Variants in ENOX1 observed in about 807,000 individuals in gnomAD.
ENOX1 encodes ecto-NOX disulfide-thiol exchanger 1, also known as candidate growth-related and time keeping constitutive hydroquinone (NADH) oxidase.
A neutral mutation model predicts 82.5 loss-of-function variants in ENOX1; 42 were observed. That is an observed-to-expected ratio of 0.51 (90% CI 0.40 to 0.66). The LOEUF is 0.66. Ranked by LOEUF, ENOX1 falls within the 30% of genes least tolerant of loss-of-function variation. ENOX1 has a pLI of 0.00. For missense variants in ENOX1, 608 were observed against 811.6 expected (o/e 0.75, Z 3.05); for synonymous variants, 271 against 282.2 (o/e 0.96, Z 0.40).
intron 16 of ENOX1, among the ~76,000 whole-genome samples, chr13:43,221,920 C>A (rs538922171): frequency 1.3e-5 from 2 of 152,206 alleles, no homozygotes; most frequent in African/African-American, 4.8e-5. Context: ...TCCTCTCAGC[C>A]TCACTGGAAT....
intron 1 of ENOX1, among the ~76,000 whole-genome samples, chr13:43,754,899 T>C (rs1197938268): frequency 1.3e-5 from 2 of 152,164 alleles, no homozygotes; most frequent in Admixed American, 1.3e-4. Context: ...AATCTGCATA[T>C]TAATGTATGC....
chr13:43,428,564 T>C (rs12868030), intron 3 of ENOX1, among the ~76,000 whole-genome samples: 11,817 of 152,222 alleles, frequency 0.078, 540 homozygotes, highest in East Asian at 0.15. Flanking sequence ...CAGCTTTATA[T>C]ATAGAAAGGC....
chr13:43,732,191 C>T (rs930890984), intron 1 of ENOX1, among the ~76,000 whole-genome samples: 5 of 152,188 alleles, frequency 3.3e-5, no homozygotes, highest in African/African-American at 9.7e-5. Flanking sequence ...TGTGCAGCTT[C>T]ACACAGCCAA....
intron 2 of ENOX1, among the ~76,000 whole-genome samples, chr13:43,591,713 C>A (rs9567224): frequency 0.13 from 19,936 of 151,762 alleles, 1,841 homozygotes; most frequent in East Asian, 0.47. Flanking sequence ...TGGGAACGAG[C>A]AGCAAACCCC....
intron 2 of ENOX1, among the ~76,000 whole-genome samples, chr13:43,578,897 T>C (rs1439186733): frequency 6.6e-6 from 1 of 152,228 alleles, no homozygotes; most frequent in Non-Finnish European, 1.5e-5. Flanking sequence ...AATTTGTTAA[T>C]TTTATTTCTA....
chr13:43,398,435 G>A (rs1006067642), intron 5 of ENOX1, among the ~76,000 whole-genome samples: 1 of 152,050 alleles, frequency 6.6e-6, no homozygotes, highest in Non-Finnish European at 1.5e-5. Flanking sequence ...GCAGTTTCCA[G>A]GCCTCATGGT....
intron 2 of ENOX1, among the ~76,000 whole-genome samples, chr13:43,529,069 C>T (rs1339017580): frequency 6.6e-6 from 1 of 151,790 alleles, no homozygotes; most frequent in Non-Finnish European, 1.5e-5. Context: ...TCATTTAATC[C>T]TCATAGAAAC....
At chr13:43,396,572 G>A (rs1318975859) in intron 5 of ENOX1, among the ~76,000 whole-genome samples, 1 of 151,952 alleles carries the variant, frequency 6.6e-6, no homozygotes, top group East Asian at 1.9e-4. Context: ...GTAGAGACAC[G>A]GTTTCACCAT....
At chr13:43,508,088 A>G (rs1364718978) in intron 2 of ENOX1, among the ~76,000 whole-genome samples, 1 of 151,968 alleles carries the variant, frequency 6.6e-6, no homozygotes, top group Non-Finnish European at 1.5e-5. Context: ...AATGATTGTT[A>G]TGGTCTGAAC....
chr13:43,322,911 C>T (rs763429238), intron 10 of ENOX1, among the ~76,000 whole-genome samples: 1 of 152,184 alleles, frequency 6.6e-6, no homozygotes, highest in Non-Finnish European at 1.5e-5. Context: ...GACTGTTCTA[C>T]CACTGACCCA....
chr13:43,754,055 T>TACATATATACGTATATAAATACACATAG (rs1158076508), intron 1 of ENOX1, among the ~76,000 whole-genome samples: 1 of 146,770 alleles, frequency 6.8e-6, no homozygotes, highest in African/African-American at 2.5e-5. Context: ...TACACATATA[T>TACATATATACGTATATAAATACACATAG]ATACATATAT....
chr13:43,387,199 A>C (rs972503745), intron 5 of ENOX1, among the ~76,000 whole-genome samples: 2 of 152,222 alleles, frequency 1.3e-5, no homozygotes, highest in Non-Finnish European at 2.9e-5. Context: ...TAAAGAAAGA[A>C]GTTACTTTCA....
chr13:43,417,896 C>T (rs2054723059), intron 3 of ENOX1, among the ~76,000 whole-genome samples: 2 of 152,256 alleles, frequency 1.3e-5, no homozygotes, highest in Non-Finnish European at 2.9e-5. Context: ...ATTTCATTTT[C>T]CACCATTCCT....
chr13:43,315,225 A>C (rs2047411160), intron 11 of ENOX1, among the ~76,000 whole-genome samples: 2 of 152,322 alleles, frequency 1.3e-5, no homozygotes, highest in South Asian at 4.1e-4. Flanking sequence ...ACCAGGTATT[A>C]TTTTTATTCA....
intron 2 of ENOX1, among the ~76,000 whole-genome samples, chr13:43,576,231 G>T (rs1053761102): frequency 6.6e-6 from 1 of 152,080 alleles, no homozygotes; most frequent in Non-Finnish European, 1.5e-5. Context: ...GCTATTAAAG[G>T]GTTTCAAACT....
At chr13:43,215,890 T>C (rs1407883503) in intron 16 of ENOX1, among the ~76,000 whole-genome samples, 4 of 152,104 alleles carry the variant, frequency 2.6e-5, no homozygotes, top group Non-Finnish European at 5.9e-5. Flanking sequence ...TAGTCAGGCA[T>C]ATTTGGGTTA....
At chr13:43,474,494 T>G (rs886357311) in intron 3 of ENOX1, among the ~76,000 whole-genome samples, 2 of 152,318 alleles carry the variant, frequency 1.3e-5, no homozygotes, top group African/African-American at 4.8e-5. Context: ...TTAGACCTGT[T>G]AATCTAATTT....
At chr13:43,360,756 A>T (rs2153559960) in intron 6 of ENOX1, among the ~76,000 whole-genome samples, 1 of 151,588 alleles carries the variant, frequency 6.6e-6, no homozygotes, top group South Asian at 2.1e-4. Flanking sequence ...TAAACTTAGT[A>T]TCTGAGGCAA....
At chr13:43,252,987 A>G (rs1163729895) in intron 14 of ENOX1, among the ~76,000 whole-genome samples, 2 of 152,220 alleles carry the variant, frequency 1.3e-5, no homozygotes, top group Non-Finnish European at 2.9e-5. Flanking sequence ...GCCAAGTCCA[A>G]TCTTTGTTTC....
Sources: gnomAD v4.1 joint callset for allele counts (sites outside exome capture counted in the v4.1 genomes callset) on GRCh38, gnomAD v4.1.1 for gene constraint, MANE v1.5 for transcripts, NCBI Gene and HGNC (gene_info 2026-07-23, HGNC 2026-07-21) for gene names.